Variants in ULK3 observed in about 807,000 individuals in gnomAD.
The protein encoded by ULK3 is unc-51 like kinase 3.
In ULK3, 54 loss-of-function variants were observed where a neutral mutation model predicts 69.4. The ratio of observed to expected loss-of-function variants is 0.78; its 90% CI spans 0.63 to 0.98. The LOEUF is 0.98. Among genes scored for constraint, ULK3 ranks in the 50% least tolerant of loss-of-function variants. The pLI is 0.00. For synonymous variants in ULK3, 240 were observed against 254.5 expected (o/e 0.94, Z 0.54); for missense variants, 558 against 627.7 (o/e 0.89, Z 1.19).
Position 74,842,616 on chromosome 15 carries a change from G to A in ULK3, c.103-196C>T. 2 of 1,539,504 alleles carry A rather than the reference G, an allele frequency of 1.3e-6. No individual in the cohort carries two copies. The highest frequency in any genetic ancestry group is 1.7e-6 in the Non-Finnish European group (2 of 1,149,428). ...GCTGATTCTGGAATCCTGGCTTCCC[G>A]ACACAGCCTCAGCCTGGTCTTCTCC... On this transcript the variant is annotated intron_variant, in intron 1 of 15. Transcript: ENST00000440863. The surrounding 1 kb of genome is among the most constrained non-coding windows in gnomAD (Gnocchi z 4.9).
rs746468718 is a variant in ULK3, at chr15:74,839,327, G to A, written c.899C>T (p.Ser300Leu). The change falls in exon 8 of 16, where the codon TCA becomes TTA. Residue 300 changes from serine to leucine, a missense_variant. Transcript: ENST00000440863. ...GCAGTAGAGTGATAAGGCAGCTGCT[G>A]AATCCCCCTCCTGGTCTTTCTTCAC... ...QAVKKDQEGDSAAALSLYCKA... is the reference protein window; with the variant it reads ...QAVKKDQEGDLAAALSLYCKA... The A allele has an allele frequency of 6.4e-7, 1 of 1,567,636 alleles. No individual in the cohort carries two copies. The highest frequency in any genetic ancestry group is 8.7e-7 in the Non-Finnish European group (1 of 1,155,658).
At position 74,837,174 on chromosome 15, in the gene ULK3, G is replaced by A; in HGVS notation, c.*54C>T. On this transcript the variant is annotated 3_prime_UTR_variant, in exon 16 of 16. Coordinates refer to ENST00000440863, the MANE Select transcript of ULK3 (RefSeq NM_001099436.4). Reference sequence around the variant, plus strand: ...CACTTCATTCTTGGCGTCAGCCTGGGTTAGTGCCCCTCTGCTCCAGATGGC... The same window carrying A: ...CACTTCATTCTTGGCGTCAGCCTGGATTAGTGCCCCTCTGCTCCAGATGGC... The A allele has an allele frequency of 6.6e-7, 1 of 1,519,436 alleles. No individual in the cohort carries two copies. Among genetic ancestry groups the A allele is most frequent in the South Asian group, 1.3e-5 (1 of 75,138 alleles). The allele number at this position is 1,519,436 out of a possible 1,614,324, so 94.1% of individuals were successfully genotyped here. A position where few individuals can be genotyped will look rare whatever the true frequency, so the allele number is the denominator to read the frequency against.
intron 13 of ULK3, 63 bp downstream of exon 13, chr15:74,838,089 C>T (rs1716603316): frequency 6.5e-7 from 1 of 1,543,434 alleles, no homozygotes; most frequent in Non-Finnish European, 8.8e-7. Context: ...AAGAGGTCCC[C>T]ACAGGTAAGA....
At position 74,838,743 on chromosome 15, in the gene ULK3, C is replaced by T; in HGVS notation, c.1002G>A (p.Val334=). 1 of 1,603,072 alleles carries T rather than the reference C, an allele frequency of 6.2e-7. No homozygotes were observed. Among genetic ancestry groups the T allele is most frequent in the Non-Finnish European group, 8.5e-7 (1 of 1,173,274 alleles). Residue 334 remains valine, a splice_region_variant and synonymous_variant, in exon 10 of 16, where the codon GTG becomes GTA. Transcript: ENST00000440863. ...AQRKEAIKAK[V]GQYVSRAEEL... Reference sequence around the variant, plus strand: ...CCTCAGCCCGGGACACGTACTGCCCCACCTGTAGCAGGGAAAGGGCCTGAG... The same window carrying T: ...CCTCAGCCCGGGACACGTACTGCCCTACCTGTAGCAGGGAAAGGGCCTGAG...
intron 14 of ULK3, 100 bp from the exon 15 acceptor site, chr15:74,837,535 CA>C: frequency 1.5e-6 from 1 of 666,386 alleles, no homozygotes; most frequent in Non-Finnish European, 2.4e-6. Context: ...ACACGAGCCA[CA>C]GCGCAGTGCC....
intron 6 of ULK3, among the ~76,000 whole-genome samples, 188 bp downstream of exon 6, chr15:74,840,046 C>T (rs936171220): frequency 1.3e-5 from 2 of 152,168 alleles, no homozygotes; most frequent in Non-Finnish European, 2.9e-5. Flanking sequence ...ACTGTGCTGC[C>T]AGCTGTGGGC....
In ULK3 at chr15:74,837,017, C is replaced by T; in HGVS notation, c.*211G>A. 1.8e-6 allele frequency: 1 copy of T among 553,394 alleles called. No homozygotes were observed. The highest frequency in any genetic ancestry group is 3.0e-6 in the Non-Finnish European group (1 of 334,898). The allele number at this position is 553,394 out of a possible 1,614,324, so 34.3% of individuals were successfully genotyped here. A position where few individuals can be genotyped will look rare whatever the true frequency, so the allele number is the denominator to read the frequency against. ...CTGTTCTCCCAGAGTCCTGCCCTCC[C>T]CTCCAGTATACAGCACAGCCATCAA... is the stretch of plus-strand genomic sequence containing the variant. On this transcript the variant is annotated 3_prime_UTR_variant, in exon 16 of 16. Transcript: ENST00000440863.
chr15:74,837,160 T>C lies in ULK3; in HGVS notation c.*68A>G. 6.6e-7 allele frequency: 1 copy of C among 1,507,652 alleles called. No individual in the cohort carries two copies. The highest frequency in any genetic ancestry group is 8.9e-7 in the Non-Finnish European group (1 of 1,128,202). 93.4% of individuals were successfully genotyped at this position (1,507,652 alleles called of 1,614,324 possible). A position where few individuals can be genotyped will look rare whatever the true frequency, so the allele number is the denominator to read the frequency against. On this transcript the variant is annotated 3_prime_UTR_variant, in exon 16 of 16. Transcript: ENST00000440863. ...GGGCTGCAGTGGGCCACTTCATTCT[T>C]GGCGTCAGCCTGGGTTAGTGCCCCT...
rs1268988903 is a variant in ULK3, at chr15:74,838,249, TA to T, written c.1246+16del. 1 of 1,562,782 alleles carries T rather than the reference TA, an allele frequency of 6.4e-7. No homozygotes were observed. Among genetic ancestry groups the T allele is most frequent in the South Asian group, 1.2e-5 (1 of 84,888 alleles). ...GTGGCCAGAGGCCCTGTGGGGGGCATAAATGGGGGCCCTCACCTGCCAGCAA... is the reference window on the plus strand; with the variant it reads ...GTGGCCAGAGGCCCTGTGGGGGGCATAATGGGGGCCCTCACCTGCCAGCAA... On this transcript the variant is annotated intron_variant, in intron 12 of 15. Coordinates refer to ENST00000440863, the MANE Select transcript of ULK3 (RefSeq NM_001099436.4).
chr15:74,839,699 G>C lies in ULK3; in HGVS notation c.711C>G (p.Pro237=). 1 of 1,547,244 alleles carries C rather than the reference G, an allele frequency of 6.5e-7. No individual in the cohort carries two copies. The highest frequency in any genetic ancestry group is 1.2e-5 in the South Asian group (1 of 82,860). The change falls in exon 7 of 16, where the codon CCC becomes CCG. Residue 237 remains proline (P), a synonymous_variant. Coordinates refer to ENST00000440863, the MANE Select transcript of ULK3 (RefSeq NM_001099436.4). Reference sequence around the variant, plus strand: ...GGTCCCGGCAGTCTCGGGAGAGCAGGGGCCGCAAGGGGAGCTGCAGGGAAG... The same window carrying C: ...GGTCCCGGCAGTCTCGGGAGAGCAGCGGCCGCAAGGGGAGCTGCAGGGAAG... ...SNRVIELPLR[P]LLSRDCRDLL...
In ULK3 at chr15:74,838,354, C is replaced by A. The variant is rs561404794; in HGVS notation, c.1168-10G>T. 2 of 1,568,312 alleles carry A rather than the reference C, an allele frequency of 1.3e-6. No individual in the cohort carries two copies. Among genetic ancestry groups the A allele is most frequent in the African/African-American group, 2.7e-5 (2 of 73,774 alleles). On this transcript the variant is annotated splice_polypyrimidine_tract_variant and intron_variant, in intron 11 of 15. Transcript: ENST00000440863. The stretch of plus-strand genomic sequence containing the variant: ...CGCCGGCGGCCTCCTCCTGCAGCCA[C>A]AAGGACACCAGGCTGCTTAGGGTCA...
At position 74,842,789 on chromosome 15, in the gene ULK3, C is replaced by A; in HGVS notation, c.102+215G>T. 1 of 1,467,102 alleles carries A rather than the reference C, an allele frequency of 6.8e-7. No individual in the cohort carries two copies. The highest frequency in any genetic ancestry group is 1.3e-5 in the South Asian group (1 of 74,626). The allele number at this position is 1,467,102 out of a possible 1,614,324, so 90.9% of individuals were successfully genotyped here. On this transcript the variant is annotated intron_variant, in intron 1 of 15. Transcript: ENST00000440863. This position sits in a 1 kb window ranked among gnomAD's most constrained non-coding sequence, Gnocchi z 4.9. ...GCCCACCAGGTAACCTGTTTTGAGC[C>A]TGTTCTTCAGCCACTGACCCTGCAG...
In ULK3 at chr15:74,843,025, C is replaced by A. The variant is rs1011350342; in HGVS notation, c.81G>T (p.Thr27=). The A allele has an allele frequency of 6.5e-7, 1 of 1,533,780 alleles. No homozygotes were observed. The highest frequency in any genetic ancestry group is 2.0e-5 in the Admixed American group (1 of 49,434). Residue 27 remains threonine, a synonymous_variant, in exon 1 of 16, where the codon ACG becomes ACT. Transcript: ENST00000440863. ...TERLGSGTYA[T]VYKAYAKKDT... Reference sequence around the variant, plus strand: ...CCACCTTGGCGTAGGCCTTGTACACCGTGGCGTACGTGCCGCTGCCCAGGC... The same window carrying A: ...CCACCTTGGCGTAGGCCTTGTACACAGTGGCGTACGTGCCGCTGCCCAGGC...
In ULK3 at chr15:74,842,227, A is replaced by G; in HGVS notation, c.244-32T>C. 6.2e-7 allele frequency: 1 copy of G among 1,613,934 alleles called. No individual in the cohort carries two copies. ...TTAGAGGCAGAGAGGCGGCCTGAAG[A>G]GAGTGTCCCTTCTCCAGCTCCCTTT... On this transcript the variant is annotated intron_variant, in intron 2 of 15. Transcript: ENST00000440863. This position sits in a 1 kb window ranked among gnomAD's most constrained non-coding sequence, Gnocchi z 4.9.
At position 74,837,113 on chromosome 15, in the gene ULK3, C is replaced by A; in HGVS notation, c.*115G>T. ...GGGATATGGGGGTCTCAGCACTGTC[C>A]ATCCAAGAAGCCTGCTCGCCAGGGC... is the stretch of plus-strand genomic sequence containing the variant. On this transcript the variant is annotated 3_prime_UTR_variant, in exon 16 of 16. Transcript: ENST00000440863. 1 of 1,392,630 alleles carries A rather than the reference C, an allele frequency of 7.2e-7. No individual in the cohort carries two copies. The highest frequency in any genetic ancestry group is 1.5e-5 in the South Asian group (1 of 66,478). The allele number at this position is 1,392,630 out of a possible 1,614,324, so 86.3% of individuals were successfully genotyped here.
rs1363614408 is a variant in ULK3, at chr15:74,837,130, C to T, written c.*98G>A. ...GCACTGTCCATCCAAGAAGCCTGCT[C>T]GCCAGGGCTGCAGTGGGCCACTTCA... On this transcript the variant is annotated 3_prime_UTR_variant, in exon 16 of 16. Coordinates refer to ENST00000440863, the MANE Select transcript of ULK3 (RefSeq NM_001099436.4). The T allele has an allele frequency of 4.8e-6, 7 of 1,462,138 alleles. No homozygotes were observed. Among genetic ancestry groups the T allele is most frequent in the South Asian group, 2.9e-5 (2 of 69,576 alleles). 90.6% of individuals were successfully genotyped at this position (1,462,138 alleles called of 1,614,324 possible).
rs1485789469 is a variant in ULK3, at chr15:74,843,056, G to C, written c.50C>G (p.Thr17Ser). Residue 17 changes from threonine (T) to serine (S), a missense_variant, in exon 1 of 16, where the codon ACC becomes AGC. By Grantham distance (58) the Thr-to-Ser change is moderately conservative. Transcript: ENST00000440863. The part of the protein sequence containing the change: ...GPPRLDGFIL[T>S]ERLGSGTYAT... Reference sequence around the variant, plus strand: ...GTACGTGCCGCTGCCCAGGCGCTCGGTGAGGATGAAGCCGTCCAGGCGCGG... The same window carrying C: ...GTACGTGCCGCTGCCCAGGCGCTCGCTGAGGATGAAGCCGTCCAGGCGCGG... 9 of 1,525,102 alleles carry C rather than the reference G, an allele frequency of 5.9e-6. 1 individual carries two copies. In the African/African-American group the frequency reaches 1.3e-4, roughly 21 times the overall value. The allele number at this position is 1,525,102 out of a possible 1,614,324, so 94.5% of individuals were successfully genotyped here.
rs2064209953 is a variant in ULK3, at chr15:74,840,547, C to A, written c.564G>T (p.Arg188=). The A allele has an allele frequency of 3.1e-6, 5 of 1,610,570 alleles. No individual in the cohort carries two copies. The highest frequency in any genetic ancestry group is 4.2e-6 in the Non-Finnish European group (5 of 1,178,902). ...LYMAPEMVCQ[R]QYDARVDLWS... ...AGAGGTCCACGCGGGCGTCATACTG[C>A]CGCTGGCACACCATCTCGGGGGCCA... Residue 188 remains arginine (R), a synonymous_variant, in exon 5 of 16, where the codon CGG becomes CGT. Coordinates refer to ENST00000440863, the MANE Select transcript of ULK3 (RefSeq NM_001099436.4).
At position 74,842,875 on chromosome 15, in the gene ULK3, G is replaced by T; in HGVS notation, c.102+129C>A. 7.5e-7 allele frequency: 1 copy of T among 1,325,236 alleles called. No homozygotes were observed. Among genetic ancestry groups the T allele is most frequent in the South Asian group, 1.4e-5 (1 of 69,300 alleles). 82.1% of individuals were successfully genotyped at this position (1,325,236 alleles called of 1,614,324 possible). On this transcript the variant is annotated intron_variant, in intron 1 of 15. Transcript: ENST00000440863. This position sits in a 1 kb window ranked among gnomAD's most constrained non-coding sequence, Gnocchi z 4.9. Reference sequence around the variant, plus strand: ...GCAGTCGGCTCCAACCTCCGCCGAGGGTCAGCTGGGGCGAGGCCGGCCTCC... The same window carrying T: ...GCAGTCGGCTCCAACCTCCGCCGAGTGTCAGCTGGGGCGAGGCCGGCCTCC...
Sources: allele counts gnomAD v4.1 joint callset (sites outside exome capture counted in the v4.1 genomes callset), GRCh38; gene constraint gnomAD v4.1.1; non-coding constraint Gnocchi (gnomAD v3.1); transcripts MANE v1.5; gene names NCBI Gene and HGNC (gene_info 2026-07-23, HGNC 2026-07-21).